Variants in PTPRG observed in about 807,000 individuals in gnomAD.
The protein encoded by PTPRG is protein tyrosine phosphatase receptor type G.
A neutral mutation model predicts 165.3 loss-of-function variants in PTPRG; 102 were observed. The ratio of observed to expected loss-of-function variants is 0.62; its 90% CI spans 0.53 to 0.73. PTPRG has a LOEUF of 0.73. Among genes scored for constraint, PTPRG ranks in the 30% least tolerant of loss-of-function variants. PTPRG has a pLI of 0.00. For synonymous variants in PTPRG, 675 were observed against 669.5 expected, an observed-to-expected ratio of 1.01 and a Z score of -0.13; for missense variants, 1,866 against 1,861.4, an observed-to-expected ratio of 1.00 and a Z score of -0.05.
intron 4 of PTPRG, among the ~76,000 whole-genome samples, chr3:62,058,405 A>G (rs886064927): frequency 6.6e-6 from 1 of 152,012 alleles, no homozygotes; most frequent in Admixed American, 6.6e-5. Context: ...GCCTAACCTC[A>G]AGTGATCTTC....
intron 2 of PTPRG, among the ~76,000 whole-genome samples, chr3:61,871,927 G>C (rs761064283): frequency 2.0e-5 from 3 of 152,172 alleles, no homozygotes; most frequent in Non-Finnish European, 4.4e-5. Flanking sequence ...CTGTGTTTTA[G>C]AGCTGAATGT....
At position 62,282,833 on chromosome 3, in the gene PTPRG, C is replaced by T. The variant is rs778947846; in HGVS notation, c.4019C>T (p.Ala1340Val). 4 of 1,611,074 alleles carry T rather than the reference C, an allele frequency of 2.5e-6. No individual in the cohort carries two copies. The highest frequency in any genetic ancestry group is 4.5e-5 in the East Asian group (2 of 44,800). Residue 1340 changes from alanine to valine, a missense_variant, in exon 28 of 30, where the codon GCC (alanine) becomes GTC (valine). By Grantham distance (64) the Ala-to-Val change is moderately conservative. This residue lies in a region of PTPRG where 1,452 missense variants were observed against 1,463.0 expected (regional missense o/e 0.99). Transcript: ENST00000474889. ...CTTATCAACGTCATCAAGGAAGAGG[C>T]CTTAACAAGGGATGGTCCCACCATT... is the stretch of plus-strand genomic sequence containing the variant. ...FELINVIKEEALTRDGPTIVH... is the reference protein window; with the variant it reads ...FELINVIKEEVLTRDGPTIVH...
At chr3:61,802,112 A>G (rs113959548) in intron 2 of PTPRG, among the ~76,000 whole-genome samples, 2,812 of 152,134 alleles carry the variant, frequency 0.018, 83 homozygotes, top group African/African-American at 0.063. Context: ...TTATCTTAGC[A>G]CCAAGATACA....
At chr3:62,034,562 A>C (rs536491264) in intron 4 of PTPRG, among the ~76,000 whole-genome samples, 2 of 152,318 alleles carry the variant, frequency 1.3e-5, no homozygotes, top group South Asian at 4.1e-4. Flanking sequence ...TCTCTCTTGT[A>C]GTCTTCCTAG....
intron 3 of PTPRG, among the ~76,000 whole-genome samples, chr3:61,994,955 G>A (rs532143495): frequency 2.4e-4 from 36 of 152,098 alleles, no homozygotes; most frequent in African/African-American, 8.2e-4. Context: ...CTGAAGAGCC[G>A]CTTGTCTCTT....
chr3:62,188,882 T>G (rs952957153), intron 8 of PTPRG, among the ~76,000 whole-genome samples: 5 of 152,198 alleles, frequency 3.3e-5, no homozygotes, highest in Non-Finnish European at 5.9e-5. Context: ...CTTCCCAATA[T>G]GTACATCTCG....
At chr3:62,270,762 A>G (rs1366084557) in intron 20 of PTPRG, among the ~76,000 whole-genome samples, 3 of 152,204 alleles carry the variant, frequency 2.0e-5, no homozygotes, top group Admixed American at 1.3e-4. Flanking sequence ...TATCATAGCA[A>G]ATAATCTATT....
At chr3:61,989,122 G>A (rs1235950288) in intron 2 of PTPRG, among the ~76,000 whole-genome samples, 2 of 152,146 alleles carry the variant, frequency 1.3e-5, no homozygotes, top group Non-Finnish European at 2.9e-5. Context: ...GGAAAAACCT[G>A]CCTTTATTGC....
chr3:61,997,667 G>T (rs961911856), intron 3 of PTPRG, among the ~76,000 whole-genome samples: 1 of 152,294 alleles, frequency 6.6e-6, no homozygotes, highest in African/African-American at 2.4e-5. Flanking sequence ...CTTGGGACCT[G>T]TCCTTCCCAT....
chr3:62,135,779 C>A (rs1377965112), intron 6 of PTPRG, among the ~76,000 whole-genome samples: 6 of 152,114 alleles, frequency 3.9e-5, no homozygotes, highest in Non-Finnish European at 8.8e-5. Flanking sequence ...GGTCTGACAC[C>A]TCTGCAAGGA....
At chr3:62,119,548 CG>C (rs1167066096) in intron 5 of PTPRG, among the ~76,000 whole-genome samples, 3 of 151,718 alleles carry the variant, frequency 2.0e-5, no homozygotes, top group African/African-American at 7.3e-5. Context: ...ATCCAGAGGT[CG>C]GCTGGGCCCA....
chr3:61,746,733 C>T (rs2033221338), intron 1 of PTPRG, among the ~76,000 whole-genome samples: 1 of 152,154 alleles, frequency 6.6e-6, no homozygotes, highest in African/African-American at 2.4e-5. Flanking sequence ...AAGGCTCACT[C>T]CTAGAGCTAA....
At chr3:61,949,715 C>T (rs376746341) in intron 2 of PTPRG, among the ~76,000 whole-genome samples, 17 of 147,316 alleles carry the variant, frequency 1.2e-4, no homozygotes, top group African/African-American at 4.4e-4. Context: ...GTTTTTAAAG[C>T]CTTTGGATTC....
In PTPRG at chr3:62,217,108, C is replaced by T. The variant is rs566609854; in HGVS notation, c.2156-1743C>T. On this transcript the variant is annotated intron_variant, in intron 12 of 29. Coordinates refer to ENST00000474889, the MANE Select transcript of PTPRG (RefSeq NM_002841.4). This position sits in a 1 kb window ranked among gnomAD's most constrained non-coding sequence, Gnocchi z 4.3. ...ACTATCTGATGTACTGATGTGTCCC[C>T]ATCCCCTCGCACCAGGCCTGTGCAC... 6.4e-4 allele frequency among the ~76,000 whole-genome samples: 98 copies of T among 152,336 alleles called. No homozygotes were observed. Among genetic ancestry groups the T allele is most frequent in the African/African-American group, 2.3e-3 (95 of 41,578 alleles).
intron 26 of PTPRG, among the ~76,000 whole-genome samples, chr3:62,278,291 C>T (rs543567057): frequency 1.6e-4 from 22 of 138,946 alleles, no homozygotes; most frequent in Admixed American, 5.5e-4. Context: ...ATTTTTTTTT[C>T]CCACTCCATA....
intron 7 of PTPRG, among the ~76,000 whole-genome samples, chr3:62,165,883 G>C (rs556137067): frequency 1.1e-4 from 16 of 152,164 alleles, no homozygotes; most frequent in Non-Finnish European, 1.9e-4. Context: ...CTCTGAGGCT[G>C]TTTGAGAAAC....
intron 8 of PTPRG, among the ~76,000 whole-genome samples, chr3:62,168,571 T>C (rs1705088523): frequency 6.6e-6 from 1 of 152,148 alleles, no homozygotes; most frequent in African/African-American, 2.4e-5. Context: ...GCAACAGGAA[T>C]GTGGCTCATC....
At chr3:61,732,813 T>G (rs2032566414) in intron 1 of PTPRG, among the ~76,000 whole-genome samples, 1 of 152,228 alleles carries the variant, frequency 6.6e-6, no homozygotes, top group African/African-American at 2.4e-5. Flanking sequence ...GGAAGGGTGC[T>G]TCTTATCCCC....
At chr3:61,659,894 A>G (rs968411618) in intron 1 of PTPRG, among the ~76,000 whole-genome samples, 1 of 152,176 alleles carries the variant, frequency 6.6e-6, no homozygotes, top group Non-Finnish European at 1.5e-5. Context: ...TTCAGGGGGA[A>G]TGTGGCTATG....
Sources: allele counts gnomAD v4.1 joint callset (sites outside exome capture counted in the v4.1 genomes callset), GRCh38; gene constraint gnomAD v4.1.1; regional missense constraint gnomAD v4.1.1; non-coding constraint Gnocchi (gnomAD v3.1); transcripts MANE v1.5; gene names NCBI Gene and HGNC (gene_info 2026-07-23, HGNC 2026-07-21).